Variants in CREB5 observed in about 807,000 individuals in gnomAD.
The protein encoded by CREB5 is cyclic AMP-responsive element-binding protein 5.
Under a neutral mutation model 57.1 loss-of-function variants are expected in CREB5, and 19 were observed. That is an observed-to-expected ratio of 0.33 (90% CI 0.23 to 0.49). The LOEUF (loss-of-function observed/expected upper bound fraction) is 0.49. Ranked by LOEUF, CREB5 falls within the 20% of genes least tolerant of loss-of-function variation. The pLI, the probability that CREB5 is intolerant of heterozygous loss-of-function variation, is 0.99. For synonymous variants in CREB5, 238 were observed against 238.3 expected (o/e 1.00, Z 0.01); for missense variants, 579 against 671.6 (o/e 0.86, Z 1.52).
chr7:28,486,688 A>ATATATATATATATATATATATATATATC (rs1791568938), intron 1 of CREB5, among the ~76,000 whole-genome samples: 1 of 132,472 alleles, frequency 7.5e-6, no homozygotes, highest in Non-Finnish European at 1.6e-5. Context: ...ATATATATAT[A>ATATATATATATATATATATATATATATC]TATATGTTAC....
intron 4 of CREB5, among the ~76,000 whole-genome samples, chr7:28,535,667 GAA>G (rs1437763134): frequency 6.6e-6 from 1 of 151,996 alleles, no homozygotes; most frequent in Non-Finnish European, 1.5e-5. Context: ...AGAGAAAAGA[GAA>G]AGGGCAAGAA....
intron 5 of CREB5, among the ~76,000 whole-genome samples, chr7:28,584,478 T>C (rs577767648): frequency 2.8e-4 from 42 of 152,200 alleles, no homozygotes; most frequent in Admixed American, 1.1e-3. Context: ...GAGAGTGCCA[T>C]GTGTCTGCAG....
chr7:28,692,013 CAA>C (rs10660459), intron 5 of CREB5, among the ~76,000 whole-genome samples: 7 of 102,814 alleles, frequency 6.8e-5, no homozygotes, highest in Admixed American at 2.0e-4. Flanking sequence ...TACTAAAATA[CAA>C]AAAAAAAAAA....
intron 5 of CREB5, among the ~76,000 whole-genome samples, chr7:28,618,097 T>C (rs1302689073): frequency 6.6e-6 from 1 of 151,782 alleles, no homozygotes; most frequent in Non-Finnish European, 1.5e-5. Flanking sequence ...ATGAAGGAGA[T>C]GGCATTGATG....
At chr7:28,508,900 A>G (rs1792588720) in intron 4 of CREB5, among the ~76,000 whole-genome samples, 2 of 152,240 alleles carry the variant, frequency 1.3e-5, no homozygotes, top group African/African-American at 4.8e-5. Context: ...CAGCCAAATA[A>G]TAAGGTTCTG....
At chr7:28,359,169 C>T (rs2127991818) in intron 1 of CREB5, among the ~76,000 whole-genome samples, 1 of 146,182 alleles carries the variant, frequency 6.8e-6, no homozygotes, top group East Asian at 2.1e-4. Flanking sequence ...ATCCCAAACC[C>T]AAAACGAAAC....
chr7:28,799,220 A>G (rs532352023), intron 7 of CREB5, among the ~76,000 whole-genome samples: 1 of 152,306 alleles, frequency 6.6e-6, no homozygotes, highest in East Asian at 1.9e-4. Context: ...TGCTGCTCAG[A>G]GGGTAGACTC....
chr7:28,639,309 C>A (rs1039296902), intron 5 of CREB5, among the ~76,000 whole-genome samples: 3 of 152,094 alleles, frequency 2.0e-5, no homozygotes, highest in Non-Finnish European at 2.9e-5. Flanking sequence ...TTCCTTAAAA[C>A]AAATAGGCTG....
chr7:28,583,073 C>T (rs1327230093), intron 5 of CREB5, among the ~76,000 whole-genome samples: 3 of 152,138 alleles, frequency 2.0e-5, no homozygotes, highest in Admixed American at 6.5e-5. Context: ...TGGAGATTGG[C>T]CAGGTGGGCA....
intron 5 of CREB5, among the ~76,000 whole-genome samples, chr7:28,677,578 G>C (rs1800378562): frequency 6.6e-6 from 1 of 152,112 alleles, no homozygotes; most frequent in Non-Finnish European, 1.5e-5. Context: ...TTCTCTTGGG[G>C]GTTTTTAACC....
chr7:28,338,634 C>T (rs1034626221), intron 1 of CREB5, among the ~76,000 whole-genome samples: 1 of 152,008 alleles, frequency 6.6e-6, no homozygotes, highest in Non-Finnish European at 1.5e-5. Flanking sequence ...TGTTCTATAA[C>T]CTCTTGAATT....
chr7:28,345,574 G>C (rs1204285025), intron 1 of CREB5, among the ~76,000 whole-genome samples: 1 of 152,180 alleles, frequency 6.6e-6, no homozygotes, highest in Non-Finnish European at 1.5e-5. Context: ...GAGGTACTGA[G>C]GCAGGGAGTG....
intron 1 of CREB5, among the ~76,000 whole-genome samples, chr7:28,379,267 G>T (rs1014601870): frequency 6.6e-6 from 1 of 152,152 alleles, no homozygotes; most frequent in Non-Finnish European, 1.5e-5. Context: ...AGGATAACAG[G>T]GGCCTGGATA....
chr7:28,595,707 CAG>C (rs1373355836), intron 5 of CREB5, among the ~76,000 whole-genome samples: 4 of 152,318 alleles, frequency 2.6e-5, no homozygotes, highest in African/African-American at 9.6e-5. Flanking sequence ...ATGATGAAGA[CAG>C]AGCATGGAAA....
chr7:28,606,531 C>G (rs1280794061), intron 5 of CREB5, among the ~76,000 whole-genome samples: 1 of 152,194 alleles, frequency 6.6e-6, no homozygotes, highest in Non-Finnish European at 1.5e-5. Context: ...TCAGAAGTGG[C>G]TCATGCCCAT....
intron 7 of CREB5, among the ~76,000 whole-genome samples, chr7:28,767,935 C>T (rs1806098717): frequency 6.6e-6 from 1 of 152,070 alleles, no homozygotes; most frequent in Non-Finnish European, 1.5e-5. Context: ...GTTTAATTTC[C>T]ATTATGAAAA....
chr7:28,744,930 G>C (rs1804609617), intron 7 of CREB5, among the ~76,000 whole-genome samples: 1 of 152,204 alleles, frequency 6.6e-6, no homozygotes, highest in African/African-American at 2.4e-5. Context: ...CTCAGGAAGA[G>C]ACCTCCCTTG....
chr7:28,765,308 T>C (rs1283497438), intron 7 of CREB5, among the ~76,000 whole-genome samples: 7 of 152,214 alleles, frequency 4.6e-5, no homozygotes, highest in Non-Finnish European at 1.5e-5. Flanking sequence ...GTCAGAAACA[T>C]AAGAGTCTGT....
At chr7:28,560,885 T>TGTGCGCGCGC (rs1365184678) in intron 4 of CREB5, among the ~76,000 whole-genome samples, 1 of 26,478 alleles carries the variant, frequency 3.8e-5, no homozygotes, top group Non-Finnish European at 7.4e-5. Flanking sequence ...CGTGCGTGCG[T>TGTGCGCGCGC]GCGTGTGTGT....
Sources: gnomAD v4.1 joint callset for allele counts (sites outside exome capture counted in the v4.1 genomes callset) on GRCh38, gnomAD v4.1.1 for gene constraint, MANE v1.5 for transcripts, NCBI Gene and HGNC (gene_info 2026-07-23, HGNC 2026-07-21) for gene names.